Variants in RPTOR observed in about 807,000 individuals in gnomAD.
RPTOR encodes the protein regulatory associated protein of MTOR complex 1, also known as regulatory-associated protein of mTOR.
RPTOR carries 21 observed loss-of-function variants against 169.9 expected under a neutral mutation model. The observed-to-expected ratio is 0.12, with a 90% CI of 0.09 to 0.18. The LOEUF is 0.18. RPTOR is among the 10% of genes least tolerant of loss of function. RPTOR has a pLI of 1.00. For synonymous variants in RPTOR, 732 were observed against 753.2 expected, an observed-to-expected ratio of 0.97 and a Z score of 0.46; for missense variants, 1,133 against 1,855.9, an observed-to-expected ratio of 0.61 and a Z score of 7.16.
intron 7 of RPTOR, among the ~76,000 whole-genome samples, chr17:80,806,981 C>T (rs1375812299): frequency 1.3e-5 from 2 of 152,238 alleles, no homozygotes; most frequent in Non-Finnish European, 2.9e-5. Flanking sequence ...CGTACCAACT[C>T]ACCCTTCTTG....
intron 1 of RPTOR, among the ~76,000 whole-genome samples, chr17:80,574,209 C>T (rs12103906): frequency 0.39 from 56,076 of 143,588 alleles, 10,977 homozygotes; most frequent in Middle Eastern, 0.5. Flanking sequence ...CCAGGCCGGA[C>T]TGCGGACTGC....
chr17:80,557,032 G>A (rs1599546210), intron 1 of RPTOR, among the ~76,000 whole-genome samples: 1 of 152,116 alleles, frequency 6.6e-6, no homozygotes, highest in African/African-American at 2.4e-5. Flanking sequence ...GGAGGTGGAG[G>A]TTGCAGTGAG....
Position 80,562,843 on chromosome 17 carries a change from A to G in RPTOR, c.162+17052A>G, listed in dbSNP as rs1227471150. ...GCAGTTTAAAGATATATCAAAACAA[A>G]AGTACTGTGAAAAAGTTAAATCAGA... On this transcript the variant is annotated intron_variant, in intron 1 of 33. Coordinates refer to ENST00000306801, the MANE Select transcript of RPTOR (RefSeq NM_020761.3). This position sits in a 1 kb window ranked among gnomAD's most constrained non-coding sequence, Gnocchi z 4.4. Among the ~76,000 whole-genome samples, 1 of 152,216 alleles carries G rather than the reference A, an allele frequency of 6.6e-6. No individual in the cohort carries two copies.
chr17:80,615,416 G>T (rs1368673509), intron 1 of RPTOR, among the ~76,000 whole-genome samples: 1 of 152,196 alleles, frequency 6.6e-6, no homozygotes, highest in African/African-American at 2.4e-5. Flanking sequence ...TCAGGACACA[G>T]TCTTTTTTTC....
intron 1 of RPTOR, among the ~76,000 whole-genome samples, chr17:80,612,773 TG>T (rs1367122415): frequency 1.3e-5 from 2 of 152,018 alleles, no homozygotes; most frequent in Admixed American, 6.6e-5. Flanking sequence ...GAGGCTGAGG[TG>T]GGGGCATCAC....
In RPTOR at chr17:80,965,933, G is replaced by A. The variant is rs1273530214; in HGVS notation, c.*1603G>A. The A allele has an allele frequency of 2.1e-5, 5 of 233,224 alleles. No individual in the cohort carries two copies. Among genetic ancestry groups the A allele is most frequent in the Admixed American group, 5.6e-5 (1 of 17,782 alleles). The allele number at this position is 233,224 out of a possible 1,614,324, so 14.4% of individuals were successfully genotyped here. On this transcript the variant is annotated 3_prime_UTR_variant, in exon 34 of 34. Coordinates refer to ENST00000306801, the MANE Select transcript of RPTOR (RefSeq NM_020761.3). ...GGGTCCGGAAGGTGTAGAGAGTCCC[G>A]GCCTCACTCAGCTCACAGGGCGTGC...
intron 6 of RPTOR, among the ~76,000 whole-genome samples, chr17:80,769,231 ATGGTGTGAAT>A (rs60173231): frequency 0.27 from 41,413 of 151,988 alleles, 5,781 homozygotes; most frequent in African/African-American, 0.33. Context: ...TTGTTGTAAA[ATGGTGTGAAT>A]TAATCCAGGA....
At chr17:80,683,802 C>A (rs2065915544) in intron 3 of RPTOR, among the ~76,000 whole-genome samples, 1 of 152,202 alleles carries the variant, frequency 6.6e-6, no homozygotes, top group Admixed American at 6.5e-5. Flanking sequence ...TTGAGCAATT[C>A]CTTGCTTTCA....
chr17:80,768,684 A>C (rs1233488565), intron 6 of RPTOR, among the ~76,000 whole-genome samples: 1 of 152,152 alleles, frequency 6.6e-6, no homozygotes, highest in Non-Finnish European at 1.5e-5. Context: ...GACTTGTTTG[A>C]AATCATACCT....
chr17:80,801,577 A>G (rs1195023087), intron 7 of RPTOR: 1 of 152,232 alleles, frequency 6.6e-6, no homozygotes, highest in Non-Finnish European at 1.5e-5. Context: ...AATTCACTTC[A>G]TCGAGGGAAG....
At chr17:80,836,026 A>G (rs2067559714) in intron 9 of RPTOR, among the ~76,000 whole-genome samples, 1 of 152,162 alleles carries the variant, frequency 6.6e-6, no homozygotes. Flanking sequence ...AGGCATGATC[A>G]TAAGCCCATT....
At chr17:80,834,779 T>C (rs932559642) in intron 9 of RPTOR, among the ~76,000 whole-genome samples, 7 of 152,174 alleles carry the variant, frequency 4.6e-5, no homozygotes, top group African/African-American at 1.4e-4. Context: ...CCGGGAGGCA[T>C]GGTTCCAAAG....
chr17:80,729,685 G>C (rs548120575), intron 4 of RPTOR, among the ~76,000 whole-genome samples: 10 of 152,288 alleles, frequency 6.6e-5, no homozygotes, highest in African/African-American at 2.4e-4. Context: ...GAAATTAAAG[G>C]GACAGTGGCA....
Position 80,820,501 on chromosome 17 carries a change from G to C in RPTOR, c.891-1700G>C, listed in dbSNP as rs1421839467. Among the ~76,000 whole-genome samples the C allele has an allele frequency of 6.6e-6, 1 of 152,186 alleles. No homozygotes were observed. Among genetic ancestry groups the C allele is most frequent in the Admixed American group, 6.5e-5 (1 of 15,282 alleles). ...ACCTGGTAAAATGAGTTCCTGGATT[G>C]TTTGCTTGCATTTCATAAGGAAATG... is the stretch of plus-strand genomic sequence containing the variant. On this transcript the variant is annotated intron_variant, in intron 7 of 33. Coordinates refer to ENST00000306801, the MANE Select transcript of RPTOR (RefSeq NM_020761.3). The surrounding 1 kb of genome is among the most constrained non-coding windows in gnomAD (Gnocchi z 4.1).
chr17:80,732,683 C>CTA (rs2143213428), intron 5 of RPTOR, among the ~76,000 whole-genome samples: 1 of 152,250 alleles, frequency 6.6e-6, no homozygotes, highest in East Asian at 1.9e-4. Flanking sequence ...ATTACACTTA[C>CTA]TATTATTGGC....
intron 17 of RPTOR, among the ~76,000 whole-genome samples, chr17:80,885,733 G>A (rs1598378272): frequency 6.6e-6 from 1 of 152,188 alleles, no homozygotes; most frequent in South Asian, 2.1e-4. Flanking sequence ...AGTAGAGATG[G>A]GGTTTCACTG....
chr17:80,855,395 T>C, intron 11 of RPTOR, 69 bp from the exon 12 acceptor site: 1 of 1,176,668 alleles, frequency 8.5e-7, no homozygotes, highest in Non-Finnish European at 1.3e-6. Context: ...TGGCAGCTCA[T>C]GCAGCAGCGT....
Position 80,962,456 on chromosome 17 carries a change from G to T in RPTOR, c.3693-5G>T, listed in dbSNP as rs919271111. ...GGAGGTGTCACTGTGACCCTCTCTT[G>T]GCAGCGTCAATGGAGATGTGCGCAT... On this transcript the variant is annotated splice_region_variant and splice_polypyrimidine_tract_variant and intron_variant, in intron 31 of 33. Transcript: ENST00000306801. 5.0e-6 allele frequency: 8 copies of T among 1,612,480 alleles called. No homozygotes were observed. Among genetic ancestry groups the T allele is most frequent in the Non-Finnish European group, 6.8e-6 (8 of 1,178,888 alleles).
At chr17:80,665,481 TCC>T (rs1392936527) in intron 3 of RPTOR, among the ~76,000 whole-genome samples, 4 of 45,002 alleles carry the variant, frequency 8.9e-5, no homozygotes, top group Admixed American at 2.0e-4. Flanking sequence ...TCCTTTCCTT[TCC>T]TTTCCTTTCC....
Sources: gnomAD v4.1 joint callset for allele counts (sites outside exome capture counted in the v4.1 genomes callset) on GRCh38, gnomAD v4.1.1 for gene constraint, Gnocchi (gnomAD v3.1) non-coding constraint, MANE v1.5 for transcripts, NCBI Gene and HGNC (gene_info 2026-07-23, HGNC 2026-07-21) for gene names.